ST8SIA4: variants seen among roughly 807,000 people sequenced by gnomAD.
ST8SIA4 encodes CMP-N-acetylneuraminate-poly-alpha-2,8-sialyltransferase.
ST8SIA4 carries 15 observed loss-of-function variants against 33.9 expected under a neutral mutation model. That is an observed-to-expected ratio of 0.44 (90% confidence interval 0.30 to 0.68). The LOEUF is 0.68. Among genes scored for constraint, ST8SIA4 ranks in the 30% least tolerant of loss-of-function variants. ST8SIA4 has a pLI of 0.10. For synonymous variants in ST8SIA4, 171 were observed against 151.2 expected (o/e 1.13, Z -0.96); for missense variants, 321 against 428.0 (o/e 0.75, Z 2.21).
intron 1 of ST8SIA4, among the ~76,000 whole-genome samples, chr5:100,898,003 T>G (rs1752817398): frequency 6.6e-6 from 1 of 152,206 alleles, no homozygotes; most frequent in Non-Finnish European, 1.5e-5. Flanking sequence ...TGATTTCAGG[T>G]GCAAACTATC....
chr5:100,846,104 G>A (rs1751565541), intron 4 of ST8SIA4, among the ~76,000 whole-genome samples: 1 of 151,912 alleles, frequency 6.6e-6, no homozygotes, highest in Admixed American at 6.6e-5. Context: ...TAAATTGCAG[G>A]AAAACAAACT....
At chr5:100,871,785 G>A (rs1372104241) in intron 3 of ST8SIA4, among the ~76,000 whole-genome samples, 2 of 151,964 alleles carry the variant, frequency 1.3e-5, no homozygotes, top group Non-Finnish European at 2.9e-5. Context: ...TCTTTACTAT[G>A]TTCTCATCTG....
At chr5:100,878,323 A>G (rs1355321072) in intron 3 of ST8SIA4, among the ~76,000 whole-genome samples, 1 of 152,000 alleles carries the variant, frequency 6.6e-6, no homozygotes, top group African/African-American at 2.4e-5. Context: ...GATTACAGGC[A>G]TGCACCACCA....
chr5:100,808,460 C>T lies in ST8SIA4; in HGVS notation c.*3387G>A, dbSNP rs545742629. The T allele has an allele frequency of 1.3e-5, 2 of 152,720 alleles. No homozygotes were observed. Among genetic ancestry groups the T allele is most frequent in the South Asian group, 2.1e-4 (1 of 4,832 alleles). The allele number at this position is 152,720 out of a possible 1,614,324, so 9.5% of individuals were successfully genotyped here. A position where few individuals can be genotyped will look rare whatever the true frequency, so the allele number is the denominator to read the frequency against. ...TATTTCAGCAACTTAACATTAACTACAGCACAGGCTGAATAATAATGATGA... is the reference window on the plus strand; with the variant it reads ...TATTTCAGCAACTTAACATTAACTATAGCACAGGCTGAATAATAATGATGA... On this transcript the variant is annotated 3_prime_UTR_variant, in exon 5 of 5. Transcript: ENST00000231461.
chr5:100,877,439 G>A (rs922153296), intron 3 of ST8SIA4, among the ~76,000 whole-genome samples: 1 of 152,126 alleles, frequency 6.6e-6, no homozygotes, highest in Non-Finnish European at 1.5e-5. Flanking sequence ...ACTTGAGGAA[G>A]GAAATGTGTT....
intron 3 of ST8SIA4, among the ~76,000 whole-genome samples, chr5:100,881,766 T>C (rs1412272610): frequency 2.0e-5 from 3 of 152,194 alleles, no homozygotes; most frequent in South Asian, 2.1e-4. Flanking sequence ...GTTTCACCCA[T>C]AGTGTTCTCA....
chr5:100,831,643 C>T (rs1326388855), intron 4 of ST8SIA4, among the ~76,000 whole-genome samples: 1 of 152,116 alleles, frequency 6.6e-6, no homozygotes, highest in African/African-American at 2.4e-5. Flanking sequence ...CATATTTTCT[C>T]ATCTCCATTG....
intron 4 of ST8SIA4, among the ~76,000 whole-genome samples, chr5:100,847,176 G>A (rs1751588329): frequency 6.6e-6 from 1 of 152,000 alleles, no homozygotes; most frequent in African/African-American, 2.4e-5. Context: ...GAAACCATAT[G>A]GAAATATTTT....
intron 4 of ST8SIA4, among the ~76,000 whole-genome samples, chr5:100,823,709 AT>A (rs1751080404): frequency 6.6e-6 from 1 of 152,232 alleles, no homozygotes; most frequent in Non-Finnish European, 1.5e-5. Context: ...GACTTGATAC[AT>A]TTTAGAAAGC....
chr5:100,871,570 C>T (rs1426503248), intron 3 of ST8SIA4, among the ~76,000 whole-genome samples: 1 of 151,994 alleles, frequency 6.6e-6, no homozygotes, highest in Non-Finnish European at 1.5e-5. Flanking sequence ...GTCAACTTTA[C>T]ATATGTTTGA....
Position 100,886,262 on chromosome 5 carries a change from T to C in ST8SIA4, c.503+81A>G. ...TTTGTTTGAGGTTTTAGTAATACTT[T>C]AAAATTTTCTAACAGTTTTCCACCC... On this transcript the variant is annotated intron_variant, in intron 3 of 4. Transcript: ENST00000231461. 3.2e-6 allele frequency: 5 copies of C among 1,538,578 alleles called. 1 individual carries two copies. In the South Asian group the frequency reaches 6.4e-5, roughly 20 times the overall value.
At chr5:100,878,846 T>A (rs982143243) in intron 3 of ST8SIA4, among the ~76,000 whole-genome samples, 2 of 152,188 alleles carry the variant, frequency 1.3e-5, no homozygotes, top group African/African-American at 4.8e-5. Context: ...CATTAGAAAA[T>A]CTGATTTTTT....
At chr5:100,880,704 G>A (rs1401853761) in intron 3 of ST8SIA4, among the ~76,000 whole-genome samples, 1 of 152,140 alleles carries the variant, frequency 6.6e-6, no homozygotes, top group East Asian at 1.9e-4. Context: ...TTTTACCAGG[G>A]TGACAGCAGT....
At chr5:100,870,578 G>T (rs990838987) in intron 3 of ST8SIA4, among the ~76,000 whole-genome samples, 2 of 152,076 alleles carry the variant, frequency 1.3e-5, no homozygotes, top group East Asian at 1.9e-4. Context: ...TACAATCTTT[G>T]TTTCAGAAAA....
intron 2 of ST8SIA4, 94 bp from the exon 3 acceptor site, chr5:100,886,694 A>C: frequency 2.0e-6 from 2 of 1,023,972 alleles, no homozygotes; most frequent in Non-Finnish European, 2.9e-6. Context: ...CAAAATACAA[A>C]TTGGCAAACT....
chr5:100,889,392 A>C (rs1460852759), intron 2 of ST8SIA4, among the ~76,000 whole-genome samples: 1 of 151,910 alleles, frequency 6.6e-6, no homozygotes, highest in African/African-American at 2.4e-5. Context: ...GTTGCTGTAG[A>C]TCTATTTGAA....
intron 4 of ST8SIA4, among the ~76,000 whole-genome samples, chr5:100,828,236 G>A (rs1338684437): frequency 6.6e-6 from 1 of 152,150 alleles, no homozygotes; most frequent in Non-Finnish European, 1.5e-5. Flanking sequence ...CAACTACCGT[G>A]TAAAACCCTA....
chr5:100,876,624 A>C (rs777868862), intron 3 of ST8SIA4, among the ~76,000 whole-genome samples: 10 of 152,082 alleles, frequency 6.6e-5, no homozygotes, highest in Admixed American at 3.3e-4. Flanking sequence ...TCTCGTAAAA[A>C]TACTAGGCAT....
At chr5:100,888,435 T>C (rs1752588761) in intron 2 of ST8SIA4, among the ~76,000 whole-genome samples, 1 of 151,868 alleles carries the variant, frequency 6.6e-6, no homozygotes, top group Non-Finnish European at 1.5e-5. Context: ...ATAGGGGATA[T>C]ACAACATAAT....
Sources: gnomAD v4.1 joint callset for allele counts (sites outside exome capture counted in the v4.1 genomes callset) on GRCh38, gnomAD v4.1.1 for gene constraint, MANE v1.5 for transcripts, NCBI Gene and HGNC (gene_info 2026-07-23, HGNC 2026-07-21) for gene names.